TMPRSS9: variants seen among roughly 807,000 people sequenced by gnomAD.
The protein encoded by TMPRSS9 is transmembrane protease serine 9.
In TMPRSS9, 113 loss-of-function variants were observed where a neutral mutation model predicts 111.4. That is an observed-to-expected ratio of 1.01 (90% CI 0.87 to 1.19). TMPRSS9 has a LOEUF of 1.19. TMPRSS9 is among the 50% of genes most tolerant of loss of function. The pLI is 0.00. For synonymous variants in TMPRSS9, 805 were observed against 659.1 expected (o/e 1.22, Z -3.39); for missense variants, 1,803 against 1,513.1 (o/e 1.19, Z -3.18).
At chr19:2,397,285 G>T (rs1421039005) in intron 2 of TMPRSS9, among the ~76,000 whole-genome samples, 2 of 151,640 alleles carry the variant, frequency 1.3e-5, no homozygotes, top group African/African-American at 4.8e-5. Flanking sequence ...ACAGCTGGGG[G>T]AAGGTATTTT....
exon 13 of TMPRSS9, chr19:2,418,046 G>C (rs1322378762): frequency 1.2e-6 from 2 of 1,612,340 alleles, no homozygotes; most frequent in Middle Eastern, 1.7e-4. Flanking sequence ...GGGCATCATA[G>C]ACCAGAAAAC....
Position 2,402,766 on chromosome 19 carries a change from AAAAT to A in TMPRSS9, c.557-308_557-305del, listed in dbSNP as rs200140004. ...AAAAATAAATAAATAAAATAAAATA[AAAAT>A]AAATAAAATAAATAGCCTGGGTTGG... On this transcript the variant is annotated intron_variant, in intron 5 of 17. Transcript: ENST00000648592. Among the ~76,000 whole-genome samples, 859 of 151,834 alleles carry A rather than the reference AAAAT, an allele frequency of 5.7e-3. 51 individuals are homozygous for A. The East Asian group carries it at 0.14, about 25-fold the overall frequency.
intron 1 of TMPRSS9, among the ~76,000 whole-genome samples, chr19:2,374,842 A>G (rs1377449514): frequency 6.6e-6 from 1 of 152,228 alleles, no homozygotes; most frequent in Non-Finnish European, 1.5e-5. Flanking sequence ...TTCTCCAGAC[A>G]GCAGCAAAGG....
chr19:2,403,064 G>A lies in TMPRSS9; in HGVS notation c.557-18G>A, dbSNP rs757125332. 6 of 1,590,210 alleles carry A rather than the reference G, an allele frequency of 3.8e-6. No homozygotes were observed. The African/African-American group carries it at 8.0e-5, about 21-fold the overall frequency. ...GATGTAGCATGAGGTCAGAAAGTCGGTTCTTTTCTGTCCTCAGGCCGCTGT... is the reference window on the plus strand; with the variant it reads ...GATGTAGCATGAGGTCAGAAAGTCGATTCTTTTCTGTCCTCAGGCCGCTGT... On this transcript the variant is annotated intron_variant, in intron 5 of 17. Coordinates refer to ENST00000648592, the Ensembl canonical transcript of TMPRSS9.
intron 1 of TMPRSS9, among the ~76,000 whole-genome samples, chr19:2,374,460 G>C (rs141694868): frequency 0.082 from 12,486 of 151,446 alleles, 1,623 homozygotes; most frequent in African/African-American, 0.28. Context: ...TGTAGTCCCA[G>C]CTACTTGGGA....
chr19:2,373,779 C>T (rs543374270), intron 1 of TMPRSS9, among the ~76,000 whole-genome samples: 1 of 152,264 alleles, frequency 6.6e-6, no homozygotes, highest in Non-Finnish European at 1.5e-5. Flanking sequence ...GGATTACAGG[C>T]ATGAGCCACA....
rs1568189478 is a variant in TMPRSS9, at chr19:2,418,342, TC to T, written c.2154+207del. Among the ~76,000 whole-genome samples, 47 of 41,830 alleles carry T rather than the reference TC, an allele frequency of 1.1e-3. 9 individuals carry two copies. Among genetic ancestry groups the T allele is most frequent in the African/African-American group, 6.9e-3 (42 of 6,130 alleles). The allele number at this position is 41,830 out of a possible 152,430, so 27.4% of individuals were successfully genotyped here. Reference sequence around the variant, plus strand: ...CCCTCCCTCCCTCCCTTTCCTTCCCTCCCTTTCCCTCCCTCCCTCCCTTCCC... The same window carrying T: ...CCCTCCCTCCCTCCCTTTCCTTCCCTCCTTTCCCTCCCTCCCTCCCTTCCC... On this transcript the variant is annotated intron_variant, in intron 13 of 17. Coordinates refer to ENST00000648592, the Ensembl canonical transcript of TMPRSS9.
intron 7 of TMPRSS9, among the ~76,000 whole-genome samples, chr19:2,406,152 A>G (rs1436941188): frequency 6.7e-6 from 1 of 150,028 alleles, no homozygotes; most frequent in African/African-American, 2.5e-5. Context: ...CTGGGAATAC[A>G]GGCGCCCGCC....
At chr19:2,410,594 C>G (rs556393091) in intron 9 of TMPRSS9, among the ~76,000 whole-genome samples, 200 bp downstream of exon 10, 1 of 152,124 alleles carries the variant, frequency 6.6e-6, no homozygotes, top group African/African-American at 2.4e-5. Flanking sequence ...AATTTTAAAG[C>G]AGTTGGGATT....
In TMPRSS9 at chr19:2,379,615, C is replaced by CTCTTTCTTTCTTTCTTTCTTTCTT. The variant is rs34251969; in HGVS notation, c.-25-10106_-25-10083dup. The stretch of plus-strand genomic sequence containing the variant: ...GACATTCCCTAAACTAACTTTCTTT[C>CTCTTTCTTTCTTTCTTTCTTTCTT]TCTTTCTTTCTTTCTTTCTTTCTTT... On this transcript the variant is annotated intron_variant, in intron 1 of 17. Coordinates refer to the TMPRSS9 transcript ENST00000649857. 1.9e-3 allele frequency among the ~76,000 whole-genome samples: 225 copies of CTCTTTCTTTCTTTCTTTCTTTCTT among 118,612 alleles called. 6 individuals are homozygous for CTCTTTCTTTCTTTCTTTCTTTCTT. The highest frequency in any genetic ancestry group is 5.5e-3 in the East Asian group (21 of 3,800). The allele number at this position is 118,612 out of a possible 152,430, so 77.8% of individuals were successfully genotyped here.
intron 9 of TMPRSS9, among the ~76,000 whole-genome samples, chr19:2,413,383 G>A (rs1249966192): frequency 6.6e-6 from 1 of 152,148 alleles, no homozygotes; most frequent in African/African-American, 2.4e-5. Context: ...TAAGCAAGTG[G>A]TGACATTATC....
chr19:2,361,853 C>T (rs1175181190), intron 1 of TMPRSS9, among the ~76,000 whole-genome samples: 1 of 151,942 alleles, frequency 6.6e-6, no homozygotes, highest in Admixed American at 6.6e-5. Context: ...CCTTGTGGGC[C>T]GCGTGGTGGC....
intron 1 of TMPRSS9, among the ~76,000 whole-genome samples, chr19:2,380,300 A>G (rs78882875): frequency 0.11 from 15,899 of 151,368 alleles, 1,634 homozygotes; most frequent in African/African-American, 0.27. Flanking sequence ...AAACAACAAA[A>G]AAACCCCACA....
At chr19:2,411,984 G>A (rs549270453) in intron 9 of TMPRSS9, among the ~76,000 whole-genome samples, 10 of 152,126 alleles carry the variant, frequency 6.6e-5, no homozygotes, top group African/African-American at 9.6e-5. Context: ...AATTTAATCC[G>A]TTATGTTTCT....
At chr19:2,405,288 C>G (rs550813405) in intron 6 of TMPRSS9, 86 bp from the exon 8 acceptor site, 8 of 1,471,768 alleles carry the variant, frequency 5.4e-6, no homozygotes, top group African/African-American at 2.9e-5. Flanking sequence ...GGACTGTAGA[C>G]GAGAGACTCA....
chr19:2,408,083 G>GT (rs1263962130), intron 7 of TMPRSS9, among the ~76,000 whole-genome samples: 1 of 140,774 alleles, frequency 7.1e-6, no homozygotes, highest in Non-Finnish European at 1.6e-5. Flanking sequence ...CACCTGGCCT[G>GT]TTTTTTGTTG....
At chr19:2,411,937 C>T (rs143971991) in intron 9 of TMPRSS9, among the ~76,000 whole-genome samples, 190 of 152,250 alleles carry the variant, frequency 1.2e-3, no homozygotes, top group African/African-American at 4.4e-3. Context: ...GTTCTTGTTT[C>T]GTGGATACCA....
chr19:2,391,069 T>C (rs12610523), intron 1 of TMPRSS9, among the ~76,000 whole-genome samples: 129,428 of 145,064 alleles, frequency 0.89, 58,026 homozygotes, highest in East Asian at 1. Flanking sequence ...GGCAGGCAGG[T>C]AGGCAGGAAG....
chr19:2,415,723 G>T lies in TMPRSS9; in HGVS notation c.1627G>T (p.Gly543Ter), dbSNP rs771006668. 3 of 1,609,410 alleles carry T rather than the reference G, an allele frequency of 1.9e-6. No homozygotes were observed. Among genetic ancestry groups the T allele is most frequent in the Middle Eastern group, 1.7e-4 (1 of 5,814 alleles). The change falls in exon 11 of 18, where the codon GGA becomes TGA. Residue 543 changes from glycine to a stop codon, truncating the protein, a stop_gained. Transcript: ENST00000648592. LOFTEE classifies it high-confidence loss of function. The stretch of plus-strand genomic sequence containing the variant: ...GCCCACCCGGGTCGTGGGCGGGTTC[G>T]GAGCTGCCTCCGGGGAGGTGCCCTG...
Sources: allele counts gnomAD v4.1 joint callset (sites outside exome capture counted in the v4.1 genomes callset), GRCh38; gene constraint gnomAD v4.1.1; transcripts MANE v1.5; gene names NCBI Gene and HGNC (gene_info 2026-07-23, HGNC 2026-07-21).